Variants in MAF observed in about 807,000 individuals in gnomAD.
MAF encodes the protein MAF bZIP transcription factor.
In MAF, 10 loss-of-function variants were observed where a neutral mutation model predicts 22.0. The observed-to-expected ratio is 0.45, with a 90% CI of 0.28 to 0.77. MAF has a LOEUF of 0.77. Ranked by LOEUF, MAF falls within the 30% of genes least tolerant of loss-of-function variation. The pLI, the probability that MAF is intolerant of heterozygous loss-of-function variation, is 0.12. For missense variants in MAF, 544 were observed against 548.4 expected (o/e 0.99, Z 0.08); for synonymous variants, 337 against 255.8 (o/e 1.32, Z -3.03).
At chr16:79,204,054 A>G in the MAF span, 2 of 152,168 alleles carry the variant, frequency 1.3e-5, no homozygotes, top group African/African-American at 4.8e-5. Context: ...TAGAAGGACG[A>G]CACTATCAGT....
At chr16:79,278,471 C>T in the MAF span, among the ~76,000 whole-genome samples, 40 of 152,304 alleles carry the variant, frequency 2.6e-4, no homozygotes, top group African/African-American at 8.4e-4. Context: ...GCAAATCCTC[C>T]GGCTTGCTTT....
the MAF span, among the ~76,000 whole-genome samples, chr16:79,389,963 C>G: frequency 1.1e-3 from 118 of 103,942 alleles, no homozygotes; most frequent in Non-Finnish European, 1.8e-3. Context: ...GGCAACACAG[C>G]GAGACTCCAT....
the MAF span, among the ~76,000 whole-genome samples, chr16:79,320,941 T>C: frequency 6.6e-6 from 1 of 152,294 alleles, no homozygotes; most frequent in Non-Finnish European, 1.5e-5. Context: ...GAGATCACAG[T>C]CCAGTAAATG....
At chr16:79,595,593 C>T (rs182720075) in intron 1 of MAF, 1 of 1,059,330 alleles carries the variant, frequency 9.4e-7, no homozygotes, top group African/African-American at 1.6e-5. Flanking sequence ...AAAAATAGGT[C>T]AGCGCTTAGG....
chr16:79,564,976 T>C, the MAF span, among the ~76,000 whole-genome samples: 1 of 152,162 alleles, frequency 6.6e-6, no homozygotes, highest in Non-Finnish European at 1.5e-5. Context: ...ACCTTACACA[T>C]GTCTTACATC....
chr16:79,519,901 G>A, the MAF span, among the ~76,000 whole-genome samples: 21 of 152,328 alleles, frequency 1.4e-4, no homozygotes, highest in South Asian at 4.1e-4. Flanking sequence ...CTCCTGGCAC[G>A]GCCATGTGTC....
chr16:79,371,116 A>G, the MAF span, among the ~76,000 whole-genome samples: 1 of 145,494 alleles, frequency 6.9e-6, no homozygotes, highest in African/African-American at 2.6e-5. Context: ...GAGGGCCCCA[A>G]ACATTCATTC....
chr16:79,446,873 G>A, the MAF span, among the ~76,000 whole-genome samples: 2 of 152,018 alleles, frequency 1.3e-5, no homozygotes, highest in East Asian at 3.9e-4. Flanking sequence ...CTATGATCGT[G>A]CCACTGCACT....
At chr16:79,540,644 G>A in the MAF span, among the ~76,000 whole-genome samples, 17 of 152,314 alleles carry the variant, frequency 1.1e-4, no homozygotes, top group Admixed American at 9.8e-4. Flanking sequence ...CTGCTTCCCG[G>A]TGCATGCCGG....
the MAF span, among the ~76,000 whole-genome samples, chr16:79,521,309 C>T: frequency 6.6e-6 from 1 of 152,136 alleles, no homozygotes; most frequent in Non-Finnish European, 1.5e-5. Flanking sequence ...GGGGAATTGT[C>T]CTCAGTTTCA....
the MAF span, chr16:79,211,477 TTGCTA>T: frequency 1.7e-6 from 2 of 1,178,602 alleles, no homozygotes; most frequent in Admixed American, 3.9e-5. Flanking sequence ...CCAGTACCCT[TTGCTA>T]TGCCAAGATC....
At chr16:79,354,909 A>G in the MAF span, among the ~76,000 whole-genome samples, 29 of 152,230 alleles carry the variant, frequency 1.9e-4, no homozygotes, top group Admixed American at 1.9e-3. Context: ...AGATAGTGTC[A>G]GATTAGAAGG....
chr16:79,569,236 A>G, the MAF span, among the ~76,000 whole-genome samples: 888 of 152,332 alleles, frequency 5.8e-3, 3 homozygotes, highest in African/African-American at 0.02. Context: ...TAGAATGTTT[A>G]GCATTATCCC....
chr16:79,239,967 T>C, the MAF span, among the ~76,000 whole-genome samples: 3 of 152,020 alleles, frequency 2.0e-5, no homozygotes, highest in Non-Finnish European at 4.4e-5. Flanking sequence ...AGAGGATGTG[T>C]GTAGCCATGC....
chr16:79,320,198 G>T, the MAF span, among the ~76,000 whole-genome samples: 1 of 152,168 alleles, frequency 6.6e-6, no homozygotes, highest in Non-Finnish European at 1.5e-5. Flanking sequence ...CACTGAAAAG[G>T]TTTTGTGACA....
the MAF span, among the ~76,000 whole-genome samples, chr16:79,208,206 T>C: frequency 6.6e-6 from 1 of 152,206 alleles, no homozygotes; most frequent in Admixed American, 6.5e-5. Context: ...TTTGACTAGA[T>C]CGGAAATGGC....
At chr16:79,401,609 G>A in the MAF span, among the ~76,000 whole-genome samples, 138,633 of 152,214 alleles carry the variant, frequency 0.91, 63,527 homozygotes, top group Non-Finnish European at 0.96. Flanking sequence ...GAACTTTAGA[G>A]AAAGAAATGA....
the MAF span, among the ~76,000 whole-genome samples, chr16:79,568,898 C>G: frequency 1.3e-5 from 2 of 152,204 alleles, no homozygotes; most frequent in Non-Finnish European, 2.9e-5. Flanking sequence ...TACAAGCATT[C>G]TTCAGAACAC....
chr16:79,596,682 T>C (rs1913545658), intron 1 of MAF: 1 of 1,038,260 alleles, frequency 9.6e-7, no homozygotes, highest in Non-Finnish European at 1.2e-6. Context: ...TACTTTTCAT[T>C]TCTTTTTAAA....
Sources: gnomAD v4.1 joint callset for allele counts (sites outside exome capture counted in the v4.1 genomes callset) on GRCh38, gnomAD v4.1.1 for gene constraint, MANE v1.5 for transcripts, NCBI Gene and HGNC (gene_info 2026-07-23, HGNC 2026-07-21) for gene names.